Variants in CAMK2D observed in about 807,000 individuals in gnomAD.
CAMK2D encodes the protein calcium/calmodulin dependent protein kinase II delta.
Under a neutral mutation model 84.0 loss-of-function variants are expected in CAMK2D, and 37 were observed. That is an observed-to-expected ratio of 0.44 (90% CI 0.34 to 0.58). The LOEUF (loss-of-function observed/expected upper bound fraction) is 0.58, where lower values mean the gene tolerates loss of function less well. Among genes scored for constraint, CAMK2D ranks in the 20% least tolerant of loss-of-function variants. The pLI, the probability that CAMK2D is intolerant of heterozygous loss-of-function variation, is 0.02. For missense variants in CAMK2D, 448 were observed against 652.5 expected, an observed-to-expected ratio of 0.69 and a Z score of 3.41; for synonymous variants, 202 against 212.5, an observed-to-expected ratio of 0.95 and a Z score of 0.43.
intron 2 of CAMK2D, among the ~76,000 whole-genome samples, chr4:113,687,800 T>C (rs1157122699): frequency 2.0e-5 from 3 of 152,182 alleles, no homozygotes; most frequent in African/African-American, 7.2e-5. Context: ...GTCTTTAAGA[T>C]GAAATATTAA....
At chr4:113,543,985 G>A (rs1304485512) in intron 6 of CAMK2D, among the ~76,000 whole-genome samples, 2 of 151,958 alleles carry the variant, frequency 1.3e-5, no homozygotes, top group African/African-American at 4.8e-5. Context: ...TAGTGACGGG[G>A]TTTCACCATG....
intron 16 of CAMK2D, 32 bp from the exon 17 acceptor site, chr4:113,465,636 T>A (rs190716002): frequency 2.3e-6 from 3 of 1,300,674 alleles, no homozygotes; most frequent in Non-Finnish European, 3.3e-6. Flanking sequence ...TGGGTAAGAA[T>A]AAAAGACAAA....
At chr4:113,605,044 A>C (rs768358340) in intron 4 of CAMK2D, among the ~76,000 whole-genome samples, 5 of 152,210 alleles carry the variant, frequency 3.3e-5, no homozygotes, top group Non-Finnish European at 7.3e-5. Flanking sequence ...AGATATAGAG[A>C]GAATTATCTG....
chr4:113,532,727 G>A (rs1045420287), intron 7 of CAMK2D, among the ~76,000 whole-genome samples: 7 of 152,024 alleles, frequency 4.6e-5, no homozygotes, highest in Admixed American at 3.3e-4. Flanking sequence ...TTTATCATCC[G>A]GCTACACTTC....
At chr4:113,457,135 G>C (rs1290123314) in intron 19 of CAMK2D, 200 bp downstream of exon 19, 5 of 1,369,052 alleles carry the variant, frequency 3.7e-6, no homozygotes, top group Non-Finnish European at 4.8e-6. Flanking sequence ...CTGCTCTATA[G>C]CAAGTTTCAA....
At chr4:113,712,471 G>A (rs1316920955) in intron 2 of CAMK2D, among the ~76,000 whole-genome samples, 8 of 151,954 alleles carry the variant, frequency 5.3e-5, no homozygotes, top group Non-Finnish European at 1.0e-4. Context: ...ACTGTTCCTG[G>A]CCCAATTAAA....
chr4:113,656,389 C>A (rs2099200488), intron 3 of CAMK2D, among the ~76,000 whole-genome samples: 1 of 152,066 alleles, frequency 6.6e-6, no homozygotes, highest in Admixed American at 6.6e-5. Context: ...AAATTCTTAT[C>A]CAAGAAGATG....
intron 10 of CAMK2D, 54 bp from the exon 11 acceptor site, chr4:113,513,967 G>A: frequency 1.3e-6 from 1 of 765,402 alleles, no homozygotes; most frequent in Non-Finnish European, 2.2e-6. Flanking sequence ...AACACACTAA[G>A]TATAATAATG....
intron 15 of CAMK2D, among the ~76,000 whole-genome samples, chr4:113,500,768 G>T (rs2098028139): frequency 6.6e-6 from 1 of 152,110 alleles, no homozygotes; most frequent in Non-Finnish European, 1.5e-5. Flanking sequence ...AGAAGCAGCG[G>T]AAGTATGCAG....
intron 6 of CAMK2D, among the ~76,000 whole-genome samples, chr4:113,543,032 T>C (rs566837563): frequency 6.6e-5 from 10 of 152,356 alleles, no homozygotes; most frequent in Middle Eastern, 3.4e-3. Context: ...TAAAGCCTCC[T>C]ATCCAGATTG....
At chr4:113,568,541 T>C (rs1164808043) in intron 4 of CAMK2D, among the ~76,000 whole-genome samples, 1 of 152,244 alleles carries the variant, frequency 6.6e-6, no homozygotes, top group African/African-American at 2.4e-5. Context: ...ATAAACATTG[T>C]TAAGTATCTG....
intron 16 of CAMK2D, among the ~76,000 whole-genome samples, chr4:113,486,856 T>A (rs1326792269): frequency 1.3e-5 from 2 of 152,196 alleles, no homozygotes; most frequent in African/African-American, 4.8e-5. Flanking sequence ...ACAGTCCCTA[T>A]AATCCACTCA....
At chr4:113,462,643 C>A (rs993122772) in intron 17 of CAMK2D, among the ~76,000 whole-genome samples, 28 of 152,032 alleles carry the variant, frequency 1.8e-4, no homozygotes, top group African/African-American at 6.8e-4. Context: ...TTTAAAATAC[C>A]CTATTTTAAA....
chr4:113,566,732 G>C (rs578017566), intron 4 of CAMK2D, among the ~76,000 whole-genome samples: 1 of 152,154 alleles, frequency 6.6e-6, no homozygotes, highest in Non-Finnish European at 1.5e-5. Context: ...TTCACACTGA[G>C]TGGAATATCT....
intron 4 of CAMK2D, among the ~76,000 whole-genome samples, chr4:113,556,394 G>A (rs1004810920): frequency 9.9e-5 from 15 of 152,084 alleles, no homozygotes; most frequent in African/African-American, 3.6e-4. Context: ...GAAAGACTGG[G>A]AAGAATACAG....
chr4:113,555,382 G>T (rs2098657625), intron 4 of CAMK2D, among the ~76,000 whole-genome samples: 1 of 152,132 alleles, frequency 6.6e-6, no homozygotes, highest in African/African-American at 2.4e-5. Flanking sequence ...CAAGTAGGAG[G>T]CAATCTTGCT....
chr4:113,562,851 T>C (rs2098704547), intron 4 of CAMK2D, among the ~76,000 whole-genome samples: 1 of 152,250 alleles, frequency 6.6e-6, no homozygotes, highest in African/African-American at 2.4e-5. Flanking sequence ...TATATGGCTT[T>C]ATTTAATTTA....
chr4:113,601,635 G>A (rs1377502198), intron 4 of CAMK2D, among the ~76,000 whole-genome samples: 2 of 135,570 alleles, frequency 1.5e-5, no homozygotes, highest in African/African-American at 5.6e-5. Context: ...TAGCATCAGG[G>A]TTTGCTATTT....
At chr4:113,497,116 T>TTG (rs2097946015) in intron 16 of CAMK2D, among the ~76,000 whole-genome samples, 1 of 87,654 alleles carries the variant, frequency 1.1e-5, no homozygotes, top group African/African-American at 5.0e-5. Flanking sequence ...TTTCACTGAG[T>TTG]TTTTTTTTTT....
Sources: gnomAD v4.1 joint callset for allele counts (sites outside exome capture counted in the v4.1 genomes callset) on GRCh38, gnomAD v4.1.1 for gene constraint, MANE v1.5 for transcripts, NCBI Gene and HGNC (gene_info 2026-07-23, HGNC 2026-07-21) for gene names.